The following GRIK2 variants were observed in gnomAD, a reference collection of about 807,000 sequenced individuals.
The protein encoded by GRIK2 is glutamate ionotropic receptor kainate type subunit 2, also known as glutamate receptor ionotropic, kainate 2.
Under a neutral mutation model 100.3 loss-of-function variants are expected in GRIK2, and 32 were observed. The ratio of observed to expected loss-of-function variants is 0.32; its 90% CI spans 0.24 to 0.43. The LOEUF (loss-of-function observed/expected upper bound fraction) is 0.43. Among genes scored for constraint, GRIK2 ranks in the 20% least tolerant of loss-of-function variants. The pLI is 1.00. For missense variants in GRIK2, 843 were observed against 1,114.9 expected (o/e 0.76, Z 3.47); for synonymous variants, 417 against 389.4 (o/e 1.07, Z -0.83).
chr6:101,428,166 T>C (rs1399597629), intron 2 of GRIK2, among the ~76,000 whole-genome samples: 1 of 152,214 alleles, frequency 6.6e-6, no homozygotes, highest in African/African-American at 2.4e-5. Context: ...AGTAATTATT[T>C]CTGAATATGA....
intron 11 of GRIK2, among the ~76,000 whole-genome samples, chr6:101,864,290 G>A (rs1582407937): frequency 6.6e-6 from 1 of 152,158 alleles, no homozygotes; most frequent in African/African-American, 2.4e-5. Flanking sequence ...AAGGAAAAAC[G>A]TAATGACAGG....
rs561977206 is a variant in GRIK2, at chr6:101,865,884, G to A, written c.1524+6391G>A. On this transcript the variant is annotated intron_variant, in intron 11 of 16. Transcript: ENST00000369134. ...AGCCTGGGCAACACAGTGAGACCCC[G>A]TCTCAAAAAAAAAGAAAAAAAAAAA... 6.2e-5 allele frequency among the ~76,000 whole-genome samples: 9 copies of A among 144,054 alleles called. No individual in the cohort carries two copies. The South Asian group carries it at 6.5e-4, about 10-fold the overall frequency. The allele number at this position is 144,054 out of a possible 152,430, so 94.5% of individuals were successfully genotyped here. A position where few individuals can be genotyped will look rare whatever the true frequency, so the allele number is the denominator to read the frequency against.
At chr6:101,889,601 CTTTCT>C (rs1786902228) in intron 11 of GRIK2, 34 bp from the exon 12 acceptor site, 5 of 1,017,492 alleles carry the variant, frequency 4.9e-6, no homozygotes, top group African/African-American at 1.7e-5. Flanking sequence ...CTCTTTCTTT[CTTTCT>C]TTTTTTTTTT....
intron 14 of GRIK2, among the ~76,000 whole-genome samples, chr6:101,977,552 A>G (rs1291083283): frequency 1.3e-5 from 2 of 151,956 alleles, no homozygotes; most frequent in African/African-American, 4.8e-5. Context: ...GAAAAATCCC[A>G]CATCAGGCAG....
At chr6:101,988,332 T>C (rs1352814074) in intron 14 of GRIK2, among the ~76,000 whole-genome samples, 2 of 151,836 alleles carry the variant, frequency 1.3e-5, no homozygotes, top group East Asian at 1.9e-4. Flanking sequence ...CTTGTATGAA[T>C]AGTCTAATAT....
intron 14 of GRIK2, among the ~76,000 whole-genome samples, chr6:101,976,637 T>C (rs1793396269): frequency 6.6e-6 from 1 of 151,756 alleles, no homozygotes; most frequent in African/African-American, 2.4e-5. Flanking sequence ...CAGTGAGCTA[T>C]GATCATGCCA....
chr6:101,831,088 C>A (rs1328109890), intron 10 of GRIK2, among the ~76,000 whole-genome samples: 1 of 151,952 alleles, frequency 6.6e-6, no homozygotes, highest in Non-Finnish European at 1.5e-5. Context: ...ATGTAACAAA[C>A]CTGCACATGT....
intron 14 of GRIK2, among the ~76,000 whole-genome samples, chr6:101,957,048 T>G (rs1441655692): frequency 2.6e-5 from 4 of 151,896 alleles, no homozygotes; most frequent in Non-Finnish European, 5.9e-5. Flanking sequence ...TGTTCTATTT[T>G]TAGTTCTTTG....
chr6:102,032,749 A>G (rs1770064867), intron 14 of GRIK2, among the ~76,000 whole-genome samples: 1 of 151,234 alleles, frequency 6.6e-6, no homozygotes, highest in African/African-American at 2.4e-5. Flanking sequence ...AGGATCATTT[A>G]TGCCATTCTG....
intron 2 of GRIK2, among the ~76,000 whole-genome samples, chr6:101,606,832 G>T (rs1779457213): frequency 6.6e-6 from 1 of 151,900 alleles, no homozygotes; most frequent in Non-Finnish European, 1.5e-5. Context: ...GAGGAAAAAT[G>T]GCTTTGTTTA....
At chr6:101,819,438 C>A (rs1032051609) in intron 10 of GRIK2, among the ~76,000 whole-genome samples, 1 of 152,072 alleles carries the variant, frequency 6.6e-6, no homozygotes, top group Non-Finnish European at 1.5e-5. Context: ...GGGTTAAAGC[C>A]TTTTGATAAT....
intron 2 of GRIK2, among the ~76,000 whole-genome samples, chr6:101,415,049 T>C (rs1477161775): frequency 6.6e-6 from 1 of 151,968 alleles, no homozygotes; most frequent in Non-Finnish European, 1.5e-5. Flanking sequence ...TTGTAGCTTA[T>C]TTGGAAAATA....
chr6:101,913,238 G>A (rs1414721427), intron 12 of GRIK2, among the ~76,000 whole-genome samples: 5 of 151,496 alleles, frequency 3.3e-5, no homozygotes, highest in Non-Finnish European at 5.9e-5. Context: ...TTTAGTGATT[G>A]TTTTATTAAC....
At chr6:101,991,708 A>T (rs1486557738) in intron 14 of GRIK2, among the ~76,000 whole-genome samples, 1 of 151,548 alleles carries the variant, frequency 6.6e-6, no homozygotes, top group Admixed American at 6.6e-5. Context: ...ATTAGACTTT[A>T]GTACTCAGTA....
chr6:101,684,578 A>C (rs1771536493), intron 6 of GRIK2, among the ~76,000 whole-genome samples: 1 of 152,116 alleles, frequency 6.6e-6, no homozygotes. Context: ...TCTTTTCCTC[A>C]CACTTCATGA....
rs1772141310 is a variant in GRIK2, at chr6:102,068,874, A to G, written c.*363A>G. 1 of 178,896 alleles carries G rather than the reference A, an allele frequency of 5.6e-6. No homozygotes were observed. Among genetic ancestry groups the G allele is most frequent in the South Asian group, 1.2e-4 (1 of 8,090 alleles). The allele number at this position is 178,896 out of a possible 1,614,324, so 11.1% of individuals were successfully genotyped here. ...TGGAATATCAATGCCCAACAGGGCA[A>G]CCAATAAAAGTGTCACTAAGAATAT... On this transcript the variant is annotated 3_prime_UTR_variant, in exon 17 of 17. Coordinates refer to ENST00000369134, the MANE Select transcript of GRIK2 (RefSeq NM_021956.5).
intron 7 of GRIK2, among the ~76,000 whole-genome samples, chr6:101,696,497 T>C (rs975147456): frequency 1.3e-5 from 2 of 152,044 alleles, no homozygotes; most frequent in East Asian, 3.9e-4. Flanking sequence ...ATAAAGAATA[T>C]GAATTTTAAG....
At chr6:102,053,118 A>G (rs903616347) in intron 15 of GRIK2, among the ~76,000 whole-genome samples, 2 of 151,968 alleles carry the variant, frequency 1.3e-5, no homozygotes, top group Non-Finnish European at 2.9e-5. Flanking sequence ...ACACACATAC[A>G]TACACACACA....
chr6:101,867,971 G>A (rs1283839242), intron 11 of GRIK2, among the ~76,000 whole-genome samples: 2 of 151,500 alleles, frequency 1.3e-5, no homozygotes, highest in Non-Finnish European at 3.0e-5. Flanking sequence ...CTTTAAATAT[G>A]ACTTCTGAAC....
Sources: gnomAD v4.1 joint callset for allele counts (sites outside exome capture counted in the v4.1 genomes callset) on GRCh38, gnomAD v4.1.1 for gene constraint, MANE v1.5 for transcripts, NCBI Gene and HGNC (gene_info 2026-07-23, HGNC 2026-07-21) for gene names.